POPDC2: variants seen among roughly 807,000 people sequenced by gnomAD.
The protein encoded by POPDC2 is popeye domain-containing protein 2.
POPDC2 carries 24 observed loss-of-function variants against 30.5 expected under a neutral mutation model. The observed-to-expected ratio is 0.79, with a 90% CI of 0.57 to 1.11. The LOEUF (loss-of-function observed/expected upper bound fraction) is 1.11. POPDC2 is among the 50% of genes least tolerant of loss of function. The pLI, the probability that POPDC2 is intolerant of heterozygous loss-of-function variation, is 0.00. For missense variants in POPDC2, 409 were observed against 447.0 expected (o/e 0.91, Z 0.77); for synonymous variants, 185 against 183.3 (o/e 1.01, Z -0.07).
At chr3:119,645,061 C>A (rs2052729713) in intron 3 of POPDC2, among the ~76,000 whole-genome samples, 1 of 152,176 alleles carries the variant, frequency 6.6e-6, no homozygotes, top group Non-Finnish European at 1.5e-5. Context: ...CATAAGTTTC[C>A]TTTCTCTCTA....
At position 119,642,284 on chromosome 3, in the gene POPDC2, G is replaced by T; in HGVS notation, c.*321C>A. 2.2e-6 allele frequency: 1 copy of T among 462,054 alleles called. No individual in the cohort carries two copies. 28.6% of individuals were successfully genotyped at this position (462,054 alleles called of 1,614,324 possible). A position where few individuals can be genotyped will look rare whatever the true frequency, so the allele number is the denominator to read the frequency against. Reference sequence around the variant, plus strand: ...CTACCAATGCCTGCTCCTGAAGGAAGGTTTGTGAGGGTGAATTTCTCAAAG... The same window carrying T: ...CTACCAATGCCTGCTCCTGAAGGAATGTTTGTGAGGGTGAATTTCTCAAAG... On this transcript the variant is annotated 3_prime_UTR_variant, in exon 4 of 4. Transcript: ENST00000493094.
intron 3 of POPDC2, among the ~76,000 whole-genome samples, chr3:119,647,808 C>G (rs1031166500): frequency 6.6e-6 from 1 of 152,142 alleles, no homozygotes; most frequent in African/African-American, 2.4e-5. Flanking sequence ...AAATAAAAGC[C>G]CCTTAAGCCC....
chr3:119,651,103 C>T (rs2107817925), intron 2 of POPDC2, among the ~76,000 whole-genome samples: 1 of 152,278 alleles, frequency 6.6e-6, no homozygotes, highest in Admixed American at 6.5e-5. Context: ...GTCACCTCTC[C>T]AACTTTCTCT....
At chr3:119,643,200 T>C (rs905586356) in intron 3 of POPDC2, among the ~76,000 whole-genome samples, 2 of 152,232 alleles carry the variant, frequency 1.3e-5, no homozygotes, top group Non-Finnish European at 2.9e-5. Flanking sequence ...CACTGACAGC[T>C]ACCAAAAACC....
chr3:119,654,675 C>T (rs1223126286), intron 1 of POPDC2, 62 bp from the exon 2 acceptor site: 3 of 1,203,602 alleles, frequency 2.5e-6, no homozygotes, highest in Non-Finnish European at 3.7e-6. Flanking sequence ...GCCACCTATG[C>T]TGAAGTTAGG....
intron 2 of POPDC2, among the ~76,000 whole-genome samples, chr3:119,653,479 CTTT>C (rs762463587): frequency 3.6e-5 from 5 of 139,966 alleles, no homozygotes; most frequent in Non-Finnish European, 3.1e-5. Context: ...TTCAGCAATT[CTTT>C]TTTTTTTTTT....
chr3:119,660,515 C>T lies in POPDC2; in HGVS notation c.-92G>A, dbSNP rs988874281. 2 of 1,421,990 alleles carry T rather than the reference C, an allele frequency of 1.4e-6. No individual in the cohort carries two copies. Among genetic ancestry groups the T allele is most frequent in the African/African-American group, 2.9e-5 (2 of 69,906 alleles). 88.1% of individuals were successfully genotyped at this position (1,421,990 alleles called of 1,614,324 possible). ...ATGAATCCATCCGCTCAGGGGTCTTCTCACCTCCGGCTTCTCACTACCGAC... is the reference window on the plus strand; with the variant it reads ...ATGAATCCATCCGCTCAGGGGTCTTTTCACCTCCGGCTTCTCACTACCGAC... On this transcript the variant is annotated 5_prime_UTR_variant, in exon 1 of 4. Transcript: ENST00000493094.
intron 1 of POPDC2, 141 bp downstream of exon 1, chr3:119,659,792 G>T (rs1553797951): frequency 2.7e-6 from 3 of 1,092,572 alleles, no homozygotes; most frequent in East Asian, 2.4e-5. Flanking sequence ...AATCTATTTT[G>T]GTTTGTTTGA....
At chr3:119,652,665 C>G (rs1432288725) in intron 2 of POPDC2, among the ~76,000 whole-genome samples, 1 of 152,220 alleles carries the variant, frequency 6.6e-6, no homozygotes, top group East Asian at 1.9e-4. Context: ...CAGGTCCTGA[C>G]TGAGCCCTCC....
chr3:119,643,451 T>C (rs772763259), intron 3 of POPDC2: 2 of 1,522,396 alleles, frequency 1.3e-6, no homozygotes, highest in African/African-American at 1.4e-5. Flanking sequence ...CATCTATCTC[T>C]GATAAAAGAA....
At chr3:119,647,573 A>G (rs1488745593) in intron 3 of POPDC2, among the ~76,000 whole-genome samples, 1 of 152,238 alleles carries the variant, frequency 6.6e-6, no homozygotes, top group Non-Finnish European at 1.5e-5. Context: ...GTGATCAACA[A>G]ACACATTCTC....
chr3:119,643,317 G>A, intron 3 of POPDC2: 2 of 1,208,206 alleles, frequency 1.7e-6, no homozygotes, highest in Non-Finnish European at 2.4e-6. Context: ...GCTATTCAGG[G>A]GCTAAAGAGC....
At chr3:119,649,383 T>C (rs2052785325) in intron 2 of POPDC2, among the ~76,000 whole-genome samples, 1 of 152,222 alleles carries the variant, frequency 6.6e-6, no homozygotes, top group South Asian at 2.1e-4. Flanking sequence ...GTACTCACTA[T>C]GTGCCCATGA....
At chr3:119,657,194 C>T (rs961066922) in intron 1 of POPDC2, among the ~76,000 whole-genome samples, 2 of 152,184 alleles carry the variant, frequency 1.3e-5, no homozygotes, top group Non-Finnish European at 2.9e-5. Flanking sequence ...GCTTTCTTCT[C>T]TTCCTTAATG....
At chr3:119,646,420 C>T (rs1253169231) in intron 3 of POPDC2, among the ~76,000 whole-genome samples, 1 of 151,990 alleles carries the variant, frequency 6.6e-6, no homozygotes, top group Non-Finnish European at 1.5e-5. Flanking sequence ...TATTTGAGCC[C>T]AGGAGTTCGA....
intron 3 of POPDC2, among the ~76,000 whole-genome samples, chr3:119,647,294 G>A (rs2052756002): frequency 6.6e-6 from 1 of 152,100 alleles, no homozygotes; most frequent in South Asian, 2.1e-4. Context: ...TCATGGTTGG[G>A]TGGAGTTACA....
At chr3:119,646,013 C>T (rs4234662) in intron 3 of POPDC2, among the ~76,000 whole-genome samples, 37,941 of 152,070 alleles carry the variant, frequency 0.25, 4,937 homozygotes, top group Admixed American at 0.32. Flanking sequence ...CCAGTCCTGG[C>T]CTCTTTCTCA....
intron 1 of POPDC2, among the ~76,000 whole-genome samples, chr3:119,658,277 A>C (rs2052900956): frequency 2.0e-5 from 3 of 152,166 alleles, no homozygotes; most frequent in Admixed American, 2.0e-4. Flanking sequence ...CTCTTACTCC[A>C]AACCTTGAAA....
At chr3:119,659,810 C>T (rs2052920330) in intron 1 of POPDC2, 123 bp downstream of exon 1, 2 of 1,263,500 alleles carry the variant, frequency 1.6e-6, no homozygotes, top group South Asian at 1.6e-5. Flanking sequence ...TGACTTGTCA[C>T]ATCCTTCCCT....
Sources: gnomAD v4.1 joint callset for allele counts (sites outside exome capture counted in the v4.1 genomes callset) on GRCh38, gnomAD v4.1.1 for gene constraint, MANE v1.5 for transcripts, NCBI Gene and HGNC (gene_info 2026-07-23, HGNC 2026-07-21) for gene names.